Variants in ATXN7 observed in about 807,000 individuals in gnomAD.
ATXN7 encodes the protein ataxin 7, also known as ataxin-7.
Under a neutral mutation model 70.5 loss-of-function variants are expected in ATXN7, and 12 were observed. That is an observed-to-expected ratio of 0.17 (90% CI 0.11 to 0.28). The LOEUF (loss-of-function observed/expected upper bound fraction) is 0.28, where lower values mean the gene tolerates loss of function less well. Ranked by LOEUF, ATXN7 falls within the 10% of genes least tolerant of loss-of-function variation. The pLI is 1.00. For missense variants in ATXN7, 1,256 were observed against 1,131.7 expected (o/e 1.11, Z -1.58); for synonymous variants, 498 against 448.7 (o/e 1.11, Z -1.39).
chr3:63,991,041 T>C (rs1368457157), intron 11 of ATXN7, 182 bp downstream of exon 11: 6 of 788,490 alleles, frequency 7.6e-6, no homozygotes, highest in South Asian at 5.4e-5. Context: ...AACTACATAT[T>C]GTTGTGGGTG....
At chr3:63,962,311 G>A (rs567613442) in intron 5 of ATXN7, among the ~76,000 whole-genome samples, 5 of 152,078 alleles carry the variant, frequency 3.3e-5, no homozygotes, top group African/African-American at 1.2e-4. Flanking sequence ...AGAGTTCTTG[G>A]TTTGTATTCT....
intron 11 of ATXN7, among the ~76,000 whole-genome samples, chr3:63,993,154 G>C (rs1266761151): frequency 1.3e-5 from 2 of 152,102 alleles, no homozygotes. Context: ...GCCATAACCT[G>C]AAAGGCCACT....
intron 1 of ATXN7, among the ~76,000 whole-genome samples, chr3:63,891,481 G>C (rs144858468): frequency 1.8e-3 from 280 of 152,126 alleles, no homozygotes; most frequent in Middle Eastern, 6.8e-3. Flanking sequence ...ACCACACCTG[G>C]CTAATTATTT....
At chr3:63,929,760 A>G (rs1007826061) in intron 4 of ATXN7, among the ~76,000 whole-genome samples, 1 of 152,124 alleles carries the variant, frequency 6.6e-6, no homozygotes, top group African/African-American at 2.4e-5. Flanking sequence ...AGAACTTTTC[A>G]TCAGATATTT....
At chr3:63,877,050 A>G (rs1199184222) in intron 1 of ATXN7, among the ~76,000 whole-genome samples, 2 of 152,208 alleles carry the variant, frequency 1.3e-5, no homozygotes, top group South Asian at 2.1e-4. Context: ...TGTTTTGCAC[A>G]TTTTGAATGG....
At chr3:63,913,975 C>A (rs149603947) in intron 4 of ATXN7, among the ~76,000 whole-genome samples, 1 of 152,084 alleles carries the variant, frequency 6.6e-6, no homozygotes, top group African/African-American at 2.4e-5. Context: ...TGTCTAATAC[C>A]TGCACTAGGC....
intron 1 of ATXN7, among the ~76,000 whole-genome samples, chr3:63,872,122 A>T (rs1400879471): frequency 6.6e-6 from 1 of 152,136 alleles, no homozygotes; most frequent in Non-Finnish European, 1.5e-5. Flanking sequence ...GCCTTGACGA[A>T]TGAGAAACGT....
chr3:63,876,519 C>G (rs1702753231), intron 1 of ATXN7, among the ~76,000 whole-genome samples: 2 of 152,134 alleles, frequency 1.3e-5, no homozygotes, highest in Non-Finnish European at 2.9e-5. Context: ...TTCCAAGATT[C>G]CCTGTTAATA....
intron 4 of ATXN7, among the ~76,000 whole-genome samples, chr3:63,920,048 G>A (rs1205086178): frequency 1.3e-5 from 2 of 151,958 alleles, no homozygotes; most frequent in East Asian, 1.9e-4. Context: ...AAGAATTCAC[G>A]GGGAAACAAA....
intron 1 of ATXN7, among the ~76,000 whole-genome samples, chr3:63,897,347 A>C (rs939375690): frequency 1.1e-4 from 17 of 152,206 alleles, no homozygotes; most frequent in African/African-American, 4.1e-4. Context: ...ATTTTGAGTG[A>C]ATAAAATTGA....
rs1231071771 is a variant in ATXN7, at chr3:63,944,150, A to G, written c.395-8229A>G. ...AATAGTCAGTTGCTAATTGGTGTAT[A>G]TAGTTGTTCCCCCGTATCTGCGGGG... On this transcript the variant is annotated intron_variant, in intron 4 of 12. Coordinates refer to ENST00000674280, the MANE Select transcript of ATXN7 (RefSeq NM_001377405.1). Among the ~76,000 whole-genome samples the G allele has an allele frequency of 3.9e-5, 6 of 152,294 alleles. No individual in the cohort carries two copies. In the South Asian group the frequency reaches 6.2e-4, roughly 16 times the overall value.
chr3:63,990,602 C>G (rs2075654799), intron 10 of ATXN7, 136 bp from the exon 11 acceptor site: 1 of 1,408,296 alleles, frequency 7.1e-7, no homozygotes, highest in Non-Finnish European at 9.9e-7. Context: ...CATTGTCACT[C>G]TCATGCTTCA....
At chr3:63,963,176 G>A (rs2075160894) in intron 5 of ATXN7, among the ~76,000 whole-genome samples, 1 of 151,988 alleles carries the variant, frequency 6.6e-6, no homozygotes, top group South Asian at 2.1e-4. Context: ...TCTGCCTCCT[G>A]AAGTGCTGGG....
At position 63,999,768 on chromosome 3, in the gene ATXN7, T is replaced by C; in HGVS notation, c.*301T>C. On this transcript the variant is annotated 3_prime_UTR_variant, in exon 13 of 13. Coordinates refer to ENST00000674280, the MANE Select transcript of ATXN7 (RefSeq NM_001377405.1). ...TGAGAAGTTTTTGTTTTTGTTTTGT[T>C]TTTTAACTTGCAGTATATCACAGAG... 1.8e-6 allele frequency: 1 copy of C among 560,288 alleles called. No individual in the cohort carries two copies. Among genetic ancestry groups the C allele is most frequent in the Non-Finnish European group, 3.2e-6 (1 of 313,978 alleles). 34.7% of individuals were successfully genotyped at this position (560,288 alleles called of 1,614,324 possible).
At chr3:63,883,858 A>G (rs1702993409) in intron 1 of ATXN7, among the ~76,000 whole-genome samples, 1 of 152,122 alleles carries the variant, frequency 6.6e-6, no homozygotes, top group African/African-American at 2.4e-5. Flanking sequence ...AGAAAAAAAA[A>G]TATTTTTTTC....
In ATXN7 at chr3:63,913,176, T is replaced by A. The variant is rs1411210291; in HGVS notation, c.345T>A (p.Ser115Arg). 6.2e-7 allele frequency: 1 copy of A among 1,613,660 alleles called. No homozygotes were observed. The highest frequency in any genetic ancestry group is 1.3e-5 in the African/African-American group (1 of 74,780). The part of the protein sequence containing the change: ...PGKDGTELDE[S>R]FKEFGKNREV... Reference sequence around the variant, plus strand: ...TCCTAGGGACAGAATTGGACGAAAGTTTCAAGGAGTTTGGGAAAAACCGCG... The same window carrying A: ...TCCTAGGGACAGAATTGGACGAAAGATTCAAGGAGTTTGGGAAAAACCGCG... The change falls in exon 4 of 13, where the codon AGT becomes AGA. Residue 115 changes from serine (S) to arginine (R), a missense_variant. Transcript: ENST00000674280.
intron 4 of ATXN7, among the ~76,000 whole-genome samples, chr3:63,914,453 A>AG (rs1463228686): frequency 6.6e-6 from 1 of 152,238 alleles, no homozygotes; most frequent in African/African-American, 2.4e-5. Flanking sequence ...AAGGAAAGCA[A>AG]GGGAAAGCAC....
intron 4 of ATXN7, 149 bp from the exon 5 acceptor site, chr3:63,952,228 TTC>T: frequency 2.2e-6 from 1 of 462,372 alleles, no homozygotes; most frequent in East Asian, 3.4e-5. Context: ...CTGATTTGAT[TTC>T]TCTGTTTAAT....
chr3:63,895,414 C>T (rs887364790), intron 1 of ATXN7, among the ~76,000 whole-genome samples: 3 of 152,308 alleles, frequency 2.0e-5, no homozygotes, highest in Admixed American at 6.5e-5. Flanking sequence ...CTGAACCCTT[C>T]GGCCTTCTGC....
Sources: gnomAD v4.1 joint callset for allele counts (sites outside exome capture counted in the v4.1 genomes callset) on GRCh38, gnomAD v4.1.1 for gene constraint, MANE v1.5 for transcripts, NCBI Gene and HGNC (gene_info 2026-07-23, HGNC 2026-07-21) for gene names.